COMMD1: variants seen among roughly 807,000 people sequenced by gnomAD.
COMMD1 encodes copper metabolism domain containing 1, also known as COMM domain-containing protein 1.
A neutral mutation model predicts 17.2 loss-of-function variants in COMMD1; 10 were observed. The observed-to-expected ratio is 0.58, with a 90% CI of 0.36 to 0.99. The LOEUF (loss-of-function observed/expected upper bound fraction) is 0.99, where lower values mean the gene tolerates loss of function less well. Ranked by LOEUF, COMMD1 falls within the 50% of genes least tolerant of loss-of-function variation. The pLI is 0.01. For missense variants in COMMD1, 270 were observed against 231.8 expected (o/e 1.17, Z -1.07); for synonymous variants, 97 against 91.6 (o/e 1.06, Z -0.34).
intron 1 of COMMD1, among the ~76,000 whole-genome samples, chr2:61,933,116 C>A (rs746055896): frequency 5.9e-5 from 9 of 151,968 alleles, no homozygotes; most frequent in Non-Finnish European, 1.0e-4. Context: ...TTCCCTGAAG[C>A]CCAGCTGTCT....
At chr2:61,971,506 A>C (rs1308329833) in intron 1 of COMMD1, among the ~76,000 whole-genome samples, 1 of 152,204 alleles carries the variant, frequency 6.6e-6, no homozygotes, top group Non-Finnish European at 1.5e-5. Context: ...CTGGGCATCT[A>C]ACAAAGGCAA....
intron 1 of COMMD1, among the ~76,000 whole-genome samples, chr2:61,973,578 A>G (rs1671708688): frequency 6.6e-6 from 1 of 151,914 alleles, no homozygotes; most frequent in African/African-American, 2.4e-5. Flanking sequence ...TCAGGTTTTT[A>G]TGTTGTTTTT....
At chr2:61,896,800 A>G (rs1369311693) in intron 1 of COMMD1, among the ~76,000 whole-genome samples, 2 of 151,608 alleles carry the variant, frequency 1.3e-5, no homozygotes, top group Non-Finnish European at 2.9e-5. Flanking sequence ...CACATATGAA[A>G]GGTGTTCTTT....
In COMMD1 at chr2:61,918,285, C is replaced by T. The variant is rs549777343; in HGVS notation, c.180+12427C>T. Among the ~76,000 whole-genome samples, 106 of 152,044 alleles carry T rather than the reference C, an allele frequency of 7.0e-4. 1 individual carries two copies. The highest frequency in any genetic ancestry group is 4.0e-4 in the Non-Finnish European group (27 of 68,018). ...TCCTTTTAGTTCTCTAGTTTTTAAG[C>T]GACTAAGTTTTGCTAATTTCACTGA... On this transcript the variant is annotated intron_variant, in intron 1 of 2. Coordinates refer to ENST00000311832, the MANE Select transcript of COMMD1 (RefSeq NM_152516.4).
upstream of COMMD1, chr2:61,905,647 T>G: frequency 6.6e-7 from 1 of 1,517,722 alleles, no homozygotes. Context: ...GGGGCACGGC[T>G]CAGCTGTTGC....
chr2:62,035,727 G>C (rs1322929173), intron 2 of COMMD1, among the ~76,000 whole-genome samples: 1 of 142,304 alleles, frequency 7.0e-6, no homozygotes, highest in East Asian at 2.1e-4. Flanking sequence ...GCAACAGAGT[G>C]AGACTCTGTC....
intron 2 of COMMD1, among the ~76,000 whole-genome samples, chr2:62,081,806 G>A (rs1671531016): frequency 6.6e-6 from 1 of 151,942 alleles, no homozygotes; most frequent in Non-Finnish European, 1.5e-5. Context: ...CTTTGTTAAT[G>A]ATTTTTTTCT....
intron 2 of COMMD1, among the ~76,000 whole-genome samples, chr2:62,124,092 G>A (rs1672826011): frequency 6.6e-6 from 1 of 152,188 alleles, no homozygotes; most frequent in Non-Finnish European, 1.5e-5. Flanking sequence ...AAGGTCAGGA[G>A]TTTGAGACCA....
chr2:61,981,047 A>G (rs6734223), intron 1 of COMMD1, among the ~76,000 whole-genome samples: 1 of 152,044 alleles, frequency 6.6e-6, no homozygotes, highest in Non-Finnish European at 1.5e-5. Flanking sequence ...TATCCTGGTT[A>G]TTAATCTCTT....
intron 1 of COMMD1, among the ~76,000 whole-genome samples, chr2:61,920,979 A>ATTT (rs1239695346): frequency 7.6e-6 from 1 of 131,128 alleles, no homozygotes; most frequent in African/African-American, 3.1e-5. Flanking sequence ...ATATATATAT[A>ATTT]TATTTTTTTT....
intron 2 of COMMD1, among the ~76,000 whole-genome samples, chr2:62,032,180 A>T (rs539488807): frequency 6.6e-6 from 1 of 152,196 alleles, no homozygotes. Flanking sequence ...ACTATCCAGC[A>T]TGTATGAATT....
intron 1 of COMMD1, among the ~76,000 whole-genome samples, chr2:61,945,565 T>C (rs1670883358): frequency 6.6e-6 from 1 of 152,182 alleles, no homozygotes; most frequent in South Asian, 2.1e-4. Flanking sequence ...ATATTTGAGA[T>C]AGGTTTCAGT....
intron 1 of COMMD1, among the ~76,000 whole-genome samples, chr2:61,941,226 C>T (rs1415465747): frequency 6.6e-6 from 1 of 152,004 alleles, no homozygotes; most frequent in Non-Finnish European, 1.5e-5. Context: ...TGGGGTTTCA[C>T]CACGTTGGCC....
chr2:61,983,451 A>G (rs796939061), intron 1 of COMMD1, among the ~76,000 whole-genome samples: 2 of 152,108 alleles, frequency 1.3e-5, no homozygotes, highest in Non-Finnish European at 2.9e-5. Context: ...CGGCCTCCCA[A>G]AGTGCTAGGA....
intron 2 of COMMD1, among the ~76,000 whole-genome samples, chr2:62,037,197 TG>T (rs1670062500): frequency 6.6e-6 from 1 of 152,200 alleles, no homozygotes; most frequent in African/African-American, 2.4e-5. Flanking sequence ...TGGCTTTGCC[TG>T]CCCCCTGCCT....
At chr2:61,945,911 G>A (rs1670893332) in intron 1 of COMMD1, among the ~76,000 whole-genome samples, 1 of 152,094 alleles carries the variant, frequency 6.6e-6, no homozygotes, top group Non-Finnish European at 1.5e-5. Context: ...TCCAGGTAGC[G>A]GGTTTTAGAG....
intron 2 of COMMD1, among the ~76,000 whole-genome samples, chr2:62,015,420 T>G (rs1293843026): frequency 6.6e-6 from 1 of 152,244 alleles, no homozygotes; most frequent in African/African-American, 2.4e-5. Flanking sequence ...TATCCATTTA[T>G]CTGTTGATGG....
chr2:61,918,313 ATTTT>A (rs1028753738), intron 1 of COMMD1, among the ~76,000 whole-genome samples: 2 of 152,164 alleles, frequency 1.3e-5, no homozygotes, highest in Non-Finnish European at 2.9e-5. Context: ...TTCACTGAAC[ATTTT>A]TGAGACTTTA....
At chr2:62,104,883 T>C (rs1387794960) in intron 2 of COMMD1, among the ~76,000 whole-genome samples, 1 of 152,002 alleles carries the variant, frequency 6.6e-6, no homozygotes, top group African/African-American at 2.4e-5. Context: ...CCCAGCACTT[T>C]GGGAGGCCGA....
Sources: gnomAD v4.1 joint callset for allele counts (sites outside exome capture counted in the v4.1 genomes callset) on GRCh38, gnomAD v4.1.1 for gene constraint, MANE v1.5 for transcripts, NCBI Gene and HGNC (gene_info 2026-07-23, HGNC 2026-07-21) for gene names.